Variants in CAMKMT observed in about 807,000 individuals in gnomAD.
CAMKMT encodes CaM KMT.
A neutral mutation model predicts 48.0 loss-of-function variants in CAMKMT; 53 were observed. The ratio of observed to expected loss-of-function variants is 1.10; its 90% CI spans 0.89 to 1.39. The LOEUF (loss-of-function observed/expected upper bound fraction) is 1.39. CAMKMT is among the 40% of genes most tolerant of loss of function. The pLI is 0.00. For missense variants in CAMKMT, 428 were observed against 402.7 expected, an observed-to-expected ratio of 1.06 and a Z score of -0.54; for synonymous variants, 165 against 152.3, an observed-to-expected ratio of 1.08 and a Z score of -0.61.
At chr2:44,397,459 G>C (rs1466018340) in intron 3 of CAMKMT, among the ~76,000 whole-genome samples, 1 of 152,222 alleles carries the variant, frequency 6.6e-6, no homozygotes, top group African/African-American at 2.4e-5. Flanking sequence ...TGTACATGTA[G>C]TCTTTGATTC....
At chr2:44,594,610 T>C (rs1434755260) in intron 3 of CAMKMT, among the ~76,000 whole-genome samples, 2 of 152,222 alleles carry the variant, frequency 1.3e-5, no homozygotes, top group Non-Finnish European at 2.9e-5. Context: ...GCTAGCCATA[T>C]GCAGGAAGCT....
At chr2:44,458,934 C>T (rs1002349245) in intron 3 of CAMKMT, among the ~76,000 whole-genome samples, 3 of 152,038 alleles carry the variant, frequency 2.0e-5, no homozygotes, top group Non-Finnish European at 2.9e-5. Context: ...TGGGTTTTAA[C>T]TTCTCAAGTA....
chr2:44,385,172 GTTTTCCTTGTAGAGGTCTT>G (rs1472655445), intron 2 of CAMKMT, among the ~76,000 whole-genome samples: 1 of 151,538 alleles, frequency 6.6e-6, no homozygotes, highest in African/African-American at 2.4e-5. Flanking sequence ...GTGTTTTGTA[GTTTTCCTTGTAGAGGTCTT>G]TTGACGTCTT....
chr2:44,707,408 T>C lies in CAMKMT; in HGVS notation c.502T>C (p.Ser168Pro), dbSNP rs768736598. The change falls in exon 6 of 11, where the codon TCT (serine) becomes CCT (proline). Residue 168 changes from serine (S) to proline (P), a missense_variant. By Grantham distance (74) the Ser-to-Pro change is moderately conservative. Coordinates refer to ENST00000378494, the MANE Select transcript of CAMKMT (RefSeq NM_024766.5). The part of the protein sequence containing the change: ...TCLAGLMVAI[S>P]ADVKEVLLTD... ...CCCTTTTTTTTTTCAGGTTGCTATTTCTGCAGATGTCAAAGAAGTTCTGTT... is the reference window on the plus strand; with the variant it reads ...CCCTTTTTTTTTTCAGGTTGCTATTCCTGCAGATGTCAAAGAAGTTCTGTT... 6.2e-7 allele frequency: 1 copy of C among 1,612,608 alleles called. No individual in the cohort carries two copies. The highest frequency in any genetic ancestry group is 1.1e-5 in the South Asian group (1 of 90,918).
chr2:44,487,418 A>G (rs1331312107), intron 3 of CAMKMT, among the ~76,000 whole-genome samples: 1 of 152,204 alleles, frequency 6.6e-6, no homozygotes, highest in Non-Finnish European at 1.5e-5. Flanking sequence ...AATATGTACT[A>G]TCATGATAAT....
intron 3 of CAMKMT, among the ~76,000 whole-genome samples, chr2:44,549,108 T>C (rs1342112826): frequency 6.6e-6 from 1 of 152,220 alleles, no homozygotes; most frequent in Non-Finnish European, 1.5e-5. Flanking sequence ...TTTTTCTGTT[T>C]TCAAATCTTA....
rs1206445920 is a variant in CAMKMT at position 44,445,667 on chromosome 2, T to G, written c.376+55362T>G. 6.8e-4 allele frequency among the ~76,000 whole-genome samples: 10 copies of G among 14,642 alleles called. 2 individuals carry two copies. In the South Asian group the frequency reaches 0.017, roughly 25 times the overall value. The allele number at this position is 14,642 out of a possible 152,430, so 9.6% of individuals were successfully genotyped here. Reference sequence around the variant, plus strand: ...GTAGTTTTTTTTTTTTTTTTTTTTTTTTTTTTTTTTTTTTTTTTTTTTTTT... The same window carrying G: ...GTAGTTTTTTTTTTTTTTTTTTTTTGTTTTTTTTTTTTTTTTTTTTTTTTT... On this transcript the variant is annotated intron_variant, in intron 3 of 10. Coordinates refer to ENST00000378494, the MANE Select transcript of CAMKMT (RefSeq NM_024766.5).
intron 3 of CAMKMT, among the ~76,000 whole-genome samples, chr2:44,596,749 C>A (rs1027475722): frequency 6.6e-6 from 1 of 152,056 alleles, no homozygotes; most frequent in Non-Finnish European, 1.5e-5. Context: ...ACCAGTGAAC[C>A]GTGGAAATCT....
At chr2:44,752,002 G>A (rs1214804540) in intron 8 of CAMKMT, among the ~76,000 whole-genome samples, 2 of 152,086 alleles carry the variant, frequency 1.3e-5, no homozygotes, top group South Asian at 2.1e-4. Flanking sequence ...TGAAGGATCC[G>A]CCCCTATGAC....
intron 3 of CAMKMT, among the ~76,000 whole-genome samples, chr2:44,600,431 T>C (rs898691903): frequency 6.6e-6 from 1 of 151,958 alleles, no homozygotes; most frequent in African/African-American, 2.4e-5. Flanking sequence ...CACACCCAGC[T>C]AATTTTTGTA....
chr2:44,716,553 T>C (rs1425171320), intron 7 of CAMKMT, among the ~76,000 whole-genome samples: 1 of 152,198 alleles, frequency 6.6e-6, no homozygotes, highest in East Asian at 1.9e-4. Flanking sequence ...GGGGACAGCA[T>C]ATTCTGTGTT....
rs572284546 is a variant in CAMKMT, at chr2:44,546,539, C to T, written c.376+156234C>T. 4.4e-4 allele frequency among the ~76,000 whole-genome samples: 67 copies of T among 152,306 alleles called. 1 individual carries two copies. The South Asian group carries it at 0.012, about 27-fold the overall frequency. On this transcript the variant is annotated intron_variant, in intron 3 of 10. Transcript: ENST00000378494. ...TGCTATTCCTGATGACCTGCCACTA[C>T]GGATCTGCAGCACTGCACTCTTGTG...
intron 3 of CAMKMT, among the ~76,000 whole-genome samples, chr2:44,490,185 A>C (rs751000240): frequency 1.3e-5 from 2 of 152,160 alleles, no homozygotes; most frequent in Non-Finnish European, 2.9e-5. Flanking sequence ...ATAGTTAGGT[A>C]CTCTTGAATC....
intron 3 of CAMKMT, among the ~76,000 whole-genome samples, chr2:44,570,166 T>C (rs1668832953): frequency 6.6e-6 from 1 of 152,210 alleles, no homozygotes; most frequent in Non-Finnish European, 1.5e-5. Flanking sequence ...TTTAAATGAA[T>C]GTCTGAAATA....
At chr2:44,570,752 A>G (rs1313206732) in intron 3 of CAMKMT, among the ~76,000 whole-genome samples, 4 of 152,222 alleles carry the variant, frequency 2.6e-5, no homozygotes, top group African/African-American at 9.6e-5. Context: ...AATAAAAAAC[A>G]GGTTATAGGC....
chr2:44,574,270 G>C (rs373201996), intron 3 of CAMKMT, among the ~76,000 whole-genome samples: 1 of 152,170 alleles, frequency 6.6e-6, no homozygotes, highest in East Asian at 1.9e-4. Flanking sequence ...GCCTTTATTG[G>C]GGTTTTCACA....
chr2:44,548,931 A>C (rs778888413), intron 3 of CAMKMT, among the ~76,000 whole-genome samples: 1 of 152,198 alleles, frequency 6.6e-6, no homozygotes, highest in Admixed American at 6.5e-5. Flanking sequence ...CAACCATGCC[A>C]TACCAGACTT....
intron 7 of CAMKMT, among the ~76,000 whole-genome samples, chr2:44,737,380 G>T (rs112529858): frequency 0.097 from 14,831 of 152,178 alleles, 810 homozygotes; most frequent in South Asian, 0.15. Flanking sequence ...ACCGCCCAAA[G>T]TGTGTTTTTG....
intron 1 of CAMKMT, among the ~76,000 whole-genome samples, chr2:44,370,966 A>G (rs1679115996): frequency 6.6e-6 from 1 of 152,028 alleles, no homozygotes; most frequent in Non-Finnish European, 1.5e-5. Context: ...AGACACCACC[A>G]CATCCTACTA....
Sources: allele counts gnomAD v4.1 joint callset (sites outside exome capture counted in the v4.1 genomes callset), GRCh38; gene constraint gnomAD v4.1.1; transcripts MANE v1.5; gene names NCBI Gene and HGNC (gene_info 2026-07-23, HGNC 2026-07-21).